The following IMPACT variants were observed in gnomAD, a reference collection of about 807,000 sequenced individuals.
The protein encoded by IMPACT is protein IMPACT.
IMPACT carries 35 observed loss-of-function variants against 47.5 expected under a neutral mutation model. The observed-to-expected ratio is 0.74, with a 90% CI of 0.56 to 0.98. The LOEUF is 0.98. Among genes scored for constraint, IMPACT ranks in the 50% least tolerant of loss-of-function variants. The pLI is 0.00. For synonymous variants in IMPACT, 118 were observed against 125.6 expected, an observed-to-expected ratio of 0.94 and a Z score of 0.40; for missense variants, 373 against 394.8, an observed-to-expected ratio of 0.94 and a Z score of 0.47.
intron 5 of IMPACT, 46 bp downstream of exon 5, chr18:24,438,086 T>A: frequency 3.6e-6 from 3 of 837,644 alleles, no homozygotes; most frequent in Non-Finnish European, 3.9e-6. Flanking sequence ...TTATAATAAC[T>A]ACATTTTTAT....
intron 6 of IMPACT, among the ~76,000 whole-genome samples, chr18:24,442,812 C>A (rs1360650123): frequency 1.3e-5 from 2 of 152,096 alleles, no homozygotes; most frequent in Non-Finnish European, 2.9e-5. Flanking sequence ...CCCTGGGTAA[C>A]CTTGGCAGGT....
At chr18:24,441,597 T>A (rs1341684543) in intron 6 of IMPACT, among the ~76,000 whole-genome samples, 2 of 152,220 alleles carry the variant, frequency 1.3e-5, no homozygotes, top group Admixed American at 6.5e-5. Flanking sequence ...TATTGTTAGT[T>A]TCCCTAAGCC....
chr18:24,439,241 G>A (rs1235172889), intron 5 of IMPACT, among the ~76,000 whole-genome samples: 1 of 152,018 alleles, frequency 6.6e-6, no homozygotes, highest in Non-Finnish European at 1.5e-5. Flanking sequence ...CAAATATATG[G>A]GTATTGAGGC....
At chr18:24,443,261 TAAA>T (rs1909164357) in intron 7 of IMPACT, 109 bp downstream of exon 7, 1 of 511,356 alleles carries the variant, frequency 2.0e-6, no homozygotes, top group African/African-American at 2.0e-5. Context: ...TCATATAAGA[TAAA>T]AATTATTTGT....
Position 24,452,067 on chromosome 18 carries a change from C to T in IMPACT, c.*1220C>T, listed in dbSNP as rs1909401033. On this transcript the variant is annotated 3_prime_UTR_variant, in exon 11 of 11. Transcript: ENST00000284202. ...ACTGATCACAGATTTGCCTGGACTT[C>T]CCTTCCCAGGGAGGGAACAGAAGTT... 6.6e-6 allele frequency: 1 copy of T among 152,182 alleles called. No homozygotes were observed. The highest frequency in any genetic ancestry group is 6.5e-5 in the Admixed American group (1 of 15,280). The allele number at this position is 152,182 out of a possible 1,614,324, so 9.4% of individuals were successfully genotyped here. A position where few individuals can be genotyped will look rare whatever the true frequency, so the allele number is the denominator to read the frequency against.
chr18:24,428,764 A>T (rs968698034), intron 2 of IMPACT, 105 bp from the exon 3 acceptor site: 1 of 760,908 alleles, frequency 1.3e-6, no homozygotes, highest in East Asian at 2.9e-5. Context: ...TTTTCCTTTC[A>T]TCTCTGTCCT....
chr18:24,450,694 G>A, intron 10 of IMPACT, 85 bp from the exon 11 acceptor site: 1 of 797,964 alleles, frequency 1.3e-6, no homozygotes, highest in South Asian at 1.7e-5. Flanking sequence ...GAATATATAT[G>A]TGTAAATATA....
At chr18:24,440,715 G>T (rs1909086737) in intron 6 of IMPACT, 97 bp downstream of exon 6, 3 of 1,145,142 alleles carry the variant, frequency 2.6e-6, no homozygotes, top group Non-Finnish European at 2.4e-6. Flanking sequence ...ATTTTCTCCA[G>T]TTTTAGGAAG....
intron 5 of IMPACT, among the ~76,000 whole-genome samples, chr18:24,438,659 G>T (rs1435713240): frequency 1.3e-5 from 2 of 152,128 alleles, no homozygotes; most frequent in African/African-American, 2.4e-5. Context: ...TACAGACGAG[G>T]TCTCCCTATG....
intron 4 of IMPACT, among the ~76,000 whole-genome samples, chr18:24,433,685 T>C (rs1599762249): frequency 6.7e-6 from 1 of 149,346 alleles, no homozygotes; most frequent in Non-Finnish European, 1.5e-5. Context: ...TTTTTTTTTT[T>C]TCTGAGACCG....
Position 24,427,928 on chromosome 18 carries a change from A to G in IMPACT, c.46A>G (p.Ile16Val). 1 of 1,595,420 alleles carries G rather than the reference A, an allele frequency of 6.3e-7. No individual in the cohort carries two copies. Among genetic ancestry groups the G allele is most frequent in the Non-Finnish European group, 8.5e-7 (1 of 1,175,000 alleles). Residue 16 changes from isoleucine to valine, a missense_variant, in exon 2 of 11, where the codon ATT (isoleucine) becomes GTT (valine). Ile to Val is a conservative substitution (Grantham distance 29). Transcript: ENST00000284202. ...AGSDQRQNEE[I>V]EAMAAIYGEE... is the part of the protein sequence containing the mutation. ...AATCAATTTCTTTCAGAATGAGGAA[A>G]TTGAAGCAATGGCAGCCATTTATGG...
At chr18:24,432,812 T>C (rs1308879639) in intron 4 of IMPACT, among the ~76,000 whole-genome samples, 1 of 152,126 alleles carries the variant, frequency 6.6e-6, no homozygotes, top group Non-Finnish European at 1.5e-5. Context: ...TTTGGTGGTA[T>C]TGACCACTTC....
chr18:24,435,500 C>G (rs1302307799), intron 4 of IMPACT: 1 of 152,132 alleles, frequency 6.6e-6, no homozygotes, highest in Non-Finnish European at 1.5e-5. Flanking sequence ...CATCTCTTCA[C>G]ATTTCGATGT....
At chr18:24,444,925 G>C (rs1909209802) in intron 7 of IMPACT, among the ~76,000 whole-genome samples, 1 of 152,112 alleles carries the variant, frequency 6.6e-6, no homozygotes, top group South Asian at 2.1e-4. Context: ...TTTGATGCAG[G>C]AGAACTGCCA....
chr18:24,434,945 T>C (rs28683697), intron 4 of IMPACT, among the ~76,000 whole-genome samples: 97,688 of 147,044 alleles, frequency 0.66, 33,873 homozygotes, highest in Admixed American at 0.75. Flanking sequence ...GATTTGGTGA[T>C]TAATTAGATG....
chr18:24,450,294 T>C (rs1007453802), intron 10 of IMPACT, among the ~76,000 whole-genome samples: 3 of 152,212 alleles, frequency 2.0e-5, no homozygotes, highest in Non-Finnish European at 2.9e-5. Flanking sequence ...GTAGCTGATA[T>C]CACATCAGAC....
chr18:24,431,001 A>G (rs917940713), intron 4 of IMPACT, among the ~76,000 whole-genome samples: 7 of 152,238 alleles, frequency 4.6e-5, no homozygotes, highest in East Asian at 1.9e-4. Flanking sequence ...CCTTCATTCA[A>G]TAAATATTAC....
intron 10 of IMPACT, 72 bp downstream of exon 10, chr18:24,450,025 A>AT: frequency 1.3e-6 from 2 of 1,494,746 alleles, no homozygotes; most frequent in Non-Finnish European, 9.3e-7. Flanking sequence ...AAGACAGAAA[A>AT]TTAAGAATGA....
chr18:24,441,288 A>G (rs532507252), intron 6 of IMPACT, among the ~76,000 whole-genome samples: 2 of 152,112 alleles, frequency 1.3e-5, no homozygotes, highest in Non-Finnish European at 2.9e-5. Context: ...TTGCCTCCCA[A>G]GTTCAGTGAT....
Sources: allele counts gnomAD v4.1 joint callset (sites outside exome capture counted in the v4.1 genomes callset), GRCh38; gene constraint gnomAD v4.1.1; transcripts MANE v1.5; gene names NCBI Gene and HGNC (gene_info 2026-07-23, HGNC 2026-07-21).